KCNH5: variants seen among roughly 807,000 people sequenced by gnomAD.
KCNH5 encodes voltage-gated delayed rectifier potassium channel KCNH5.
Under a neutral mutation model 96.1 loss-of-function variants are expected in KCNH5, and 46 were observed. The ratio of observed to expected loss-of-function variants is 0.48; its 90% CI spans 0.38 to 0.61. KCNH5 has a LOEUF of 0.61. Among genes scored for constraint, KCNH5 ranks in the 20% least tolerant of loss-of-function variants. KCNH5 has a pLI of 0.00. For synonymous variants in KCNH5, 439 were observed against 449.8 expected (o/e 0.98, Z 0.30); for missense variants, 907 against 1,225.8 (o/e 0.74, Z 3.88).
At chr14:62,840,489 G>C (rs1887554107) in intron 8 of KCNH5, among the ~76,000 whole-genome samples, 1 of 151,390 alleles carries the variant, frequency 6.6e-6, no homozygotes, top group Non-Finnish European at 1.5e-5. Flanking sequence ...CAATGAACCA[G>C]ATGCATCTCT....
intron 10 of KCNH5, among the ~76,000 whole-genome samples, chr14:62,745,031 C>T (rs192158620): frequency 1.9e-4 from 29 of 152,286 alleles, no homozygotes; most frequent in Admixed American, 8.5e-4. Context: ...GCAATTCAGA[C>T]GGTGCCCTCT....
chr14:62,951,271 G>A (rs987131292), intron 6 of KCNH5, among the ~76,000 whole-genome samples: 5 of 152,198 alleles, frequency 3.3e-5, no homozygotes, highest in Non-Finnish European at 5.9e-5. Flanking sequence ...ATATTTTGTT[G>A]AGAAGCTTAA....
intron 8 of KCNH5, among the ~76,000 whole-genome samples, chr14:62,841,306 C>A (rs191013282): frequency 6.6e-6 from 1 of 152,090 alleles, no homozygotes; most frequent in African/African-American, 2.4e-5. Context: ...GAAAAAGTCT[C>A]GGAAGCATTA....
chr14:62,938,291 C>A (rs917936843), intron 7 of KCNH5, among the ~76,000 whole-genome samples: 2 of 152,182 alleles, frequency 1.3e-5, no homozygotes, highest in African/African-American at 4.8e-5. Context: ...ATAGTTCTCA[C>A]CCCATAAAGA....
chr14:62,865,347 A>C (rs949350711), intron 7 of KCNH5, among the ~76,000 whole-genome samples: 1 of 152,122 alleles, frequency 6.6e-6, no homozygotes, highest in Admixed American at 6.6e-5. Context: ...AAAAAAAAAA[A>C]AAAAGCTTAT....
intron 9 of KCNH5, among the ~76,000 whole-genome samples, chr14:62,783,391 G>A (rs1005534428): frequency 2.6e-5 from 4 of 152,122 alleles, no homozygotes; most frequent in Non-Finnish European, 5.9e-5. Context: ...CTTTTAAAGG[G>A]CTGCTTTGAT....
chr14:62,949,791 A>G (rs960913670), intron 7 of KCNH5: 9 of 219,122 alleles, frequency 4.1e-5, no homozygotes, highest in Admixed American at 1.6e-4. Flanking sequence ...TTCACATCAG[A>G]TCCTATCTCT....
At chr14:62,913,157 G>A (rs547619939) in intron 7 of KCNH5, among the ~76,000 whole-genome samples, 1 of 152,090 alleles carries the variant, frequency 6.6e-6, no homozygotes, top group African/African-American at 2.4e-5. Context: ...GCATCTTGTT[G>A]GCCTCGAATA....
intron 7 of KCNH5, among the ~76,000 whole-genome samples, chr14:62,946,210 G>A (rs1889883980): frequency 6.6e-6 from 1 of 152,066 alleles, no homozygotes; most frequent in African/African-American, 2.4e-5. Context: ...ATTAATAGAT[G>A]TAACATAGAA....
At chr14:62,714,340 A>G (rs1884638397) in intron 10 of KCNH5, among the ~76,000 whole-genome samples, 1 of 152,212 alleles carries the variant, frequency 6.6e-6, no homozygotes, top group Non-Finnish European at 1.5e-5. Flanking sequence ...TAACATGCAT[A>G]TAGTAAAATG....
chr14:62,823,476 C>T (rs1161087624), intron 8 of KCNH5, among the ~76,000 whole-genome samples: 1 of 152,000 alleles, frequency 6.6e-6, no homozygotes, highest in Admixed American at 6.6e-5. Flanking sequence ...CCTCTAAACA[C>T]CCAGCAGTCA....
At chr14:62,828,811 C>T (rs1241585694) in intron 8 of KCNH5, among the ~76,000 whole-genome samples, 2 of 152,128 alleles carry the variant, frequency 1.3e-5, no homozygotes, top group Non-Finnish European at 2.9e-5. Context: ...TCCCAACAGT[C>T]CCCCAAAGTC....
chr14:62,832,370 T>C (rs1461485816), intron 8 of KCNH5, among the ~76,000 whole-genome samples: 1 of 152,176 alleles, frequency 6.6e-6, no homozygotes, highest in Non-Finnish European at 1.5e-5. Context: ...ATTTGTCCTT[T>C]AATGATTGGT....
intron 10 of KCNH5, among the ~76,000 whole-genome samples, chr14:62,739,717 A>T (rs1052830453): frequency 2.6e-5 from 4 of 152,116 alleles, no homozygotes; most frequent in African/African-American, 9.7e-5. Flanking sequence ...CCCTACACAA[A>T]CATTACATGC....
intron 10 of KCNH5, among the ~76,000 whole-genome samples, chr14:62,711,499 G>A (rs1301717441): frequency 6.6e-6 from 1 of 152,050 alleles, no homozygotes; most frequent in Admixed American, 6.5e-5. Flanking sequence ...CCCTTTTTAC[G>A]CCCGGGAGAT....
chr14:62,792,755 A>T (rs1189010628), intron 9 of KCNH5, among the ~76,000 whole-genome samples: 3 of 151,750 alleles, frequency 2.0e-5, no homozygotes, highest in East Asian at 1.9e-4. Context: ...TCCTGACTCA[A>T]CCCTAACTCT....
At chr14:62,834,008 G>A (rs1344719442) in intron 8 of KCNH5, among the ~76,000 whole-genome samples, 1 of 151,982 alleles carries the variant, frequency 6.6e-6, no homozygotes, top group Non-Finnish European at 1.5e-5. Flanking sequence ...AAATCCACCA[G>A]TAATCTCCAT....
chr14:62,730,832 A>G (rs1437197190), intron 10 of KCNH5, among the ~76,000 whole-genome samples: 1 of 152,220 alleles, frequency 6.6e-6, no homozygotes, highest in Non-Finnish European at 1.5e-5. Context: ...CCACAAAGGA[A>G]TAATTTACAA....
chr14:63,031,173 CCTGT>C (rs1891619238), intron 1 of KCNH5, among the ~76,000 whole-genome samples: 1 of 151,814 alleles, frequency 6.6e-6, no homozygotes, highest in South Asian at 2.1e-4. Context: ...ACCAGGCCTC[CCTGT>C]CTAAGACTTT....
Sources: gnomAD v4.1 joint callset for allele counts (sites outside exome capture counted in the v4.1 genomes callset) on GRCh38, gnomAD v4.1.1 for gene constraint, MANE v1.5 for transcripts, NCBI Gene and HGNC (gene_info 2026-07-23, HGNC 2026-07-21) for gene names.